PHF20: variants seen among roughly 807,000 people sequenced by gnomAD.
The protein encoded by PHF20 is PHD finger protein 20.
A neutral mutation model predicts 113.5 loss-of-function variants in PHF20; 23 were observed. The observed-to-expected ratio is 0.20, with a 90% CI of 0.15 to 0.29. The LOEUF (loss-of-function observed/expected upper bound fraction) is 0.29. PHF20 is among the 10% of genes least tolerant of loss of function. The pLI, the probability that PHF20 is intolerant of heterozygous loss-of-function variation, is 1.00. For synonymous variants in PHF20, 434 were observed against 457.3 expected, an observed-to-expected ratio of 0.95 and a Z score of 0.65; for missense variants, 943 against 1,219.6, an observed-to-expected ratio of 0.77 and a Z score of 3.38.
chr20:35,926,870 C>T lies in PHF20; in HGVS notation c.2005-910C>T, dbSNP rs1600948177. 2.6e-5 allele frequency among the ~76,000 whole-genome samples: 4 copies of T among 152,270 alleles called. No individual in the cohort carries two copies. The East Asian group carries it at 7.7e-4, about 29-fold the overall frequency. On this transcript the variant is annotated intron_variant, in intron 13 of 17. Coordinates refer to ENST00000374012, the MANE Select transcript of PHF20 (RefSeq NM_016436.5). ...TGTCAGGAAGCTCACTGTCCACCTT[C>T]TAGGGCTAATTTGTTTGGTTGGGTA...
intron 15 of PHF20, among the ~76,000 whole-genome samples, chr20:35,935,881 T>C (rs1229783988): frequency 6.6e-6 from 1 of 152,210 alleles, no homozygotes; most frequent in Non-Finnish European, 1.5e-5. Flanking sequence ...GCTCTGGGTC[T>C]TTATTCTCAG....
At chr20:35,946,677 TTTTA>T (rs201676493) in intron 17 of PHF20, among the ~76,000 whole-genome samples, 9 of 142,690 alleles carry the variant, frequency 6.3e-5, no homozygotes, top group Non-Finnish European at 1.4e-4. Context: ...TTTTATTTTA[TTTTA>T]TTTATTTTAT....
At chr20:35,846,770 T>C (rs2042632457) in intron 3 of PHF20, among the ~76,000 whole-genome samples, 1 of 152,168 alleles carries the variant, frequency 6.6e-6, no homozygotes, top group African/African-American at 2.4e-5. Context: ...CCCTTTTGTT[T>C]TGACTCCTGT....
At chr20:35,869,269 T>A (rs1020655047) in intron 6 of PHF20, among the ~76,000 whole-genome samples, 169 bp from the exon 7 acceptor site, 1 of 152,170 alleles carries the variant, frequency 6.6e-6, no homozygotes, top group Non-Finnish European at 1.5e-5. Flanking sequence ...AATTTCTCAC[T>A]CATTTTACTT....
intron 2 of PHF20, among the ~76,000 whole-genome samples, chr20:35,816,711 G>C (rs941282619): frequency 6.6e-6 from 1 of 151,074 alleles, no homozygotes; most frequent in Non-Finnish European, 1.5e-5. Flanking sequence ...CTCAGCCTCC[G>C]AAAGTGCTGG....
At chr20:35,862,813 G>A (rs189962868) in intron 5 of PHF20, among the ~76,000 whole-genome samples, 200 bp from the exon 6 acceptor site, 7 of 152,220 alleles carry the variant, frequency 4.6e-5, no homozygotes, top group Non-Finnish European at 8.8e-5. Flanking sequence ...CACTGTCTCC[G>A]GAATAATTGA....
chr20:35,945,148 G>T (rs1017660255), intron 17 of PHF20, among the ~76,000 whole-genome samples: 1 of 152,130 alleles, frequency 6.6e-6, no homozygotes, highest in African/African-American at 2.4e-5. Context: ...GATGGAGGAG[G>T]ATAAACTACA....
chr20:35,824,796 G>A (rs570844118), intron 2 of PHF20, among the ~76,000 whole-genome samples: 1 of 152,148 alleles, frequency 6.6e-6, no homozygotes, highest in African/African-American at 2.4e-5. Context: ...AGGCAAACAC[G>A]AATTTACTTT....
chr20:35,821,471 CA>C (rs2042167470), intron 2 of PHF20, among the ~76,000 whole-genome samples: 1 of 128,322 alleles, frequency 7.8e-6, no homozygotes, highest in Non-Finnish European at 1.6e-5. Context: ...GGCAATATAG[CA>C]AAACGCTGTC....
rs777104830 is a variant in PHF20 at position 35,941,066 on chromosome 20, C to T, written c.2896+19C>T. 4 of 1,604,064 alleles carry T rather than the reference C, an allele frequency of 2.5e-6. No homozygotes were observed. In the South Asian group the frequency reaches 4.4e-5, roughly 18 times the overall value. ...TTGGATGGTAGGGCTCCTTCATTGG[C>T]CCCCTGTGCATTGGCATGCAGTCGA... On this transcript the variant is annotated intron_variant, in intron 17 of 17. Coordinates refer to ENST00000374012, the MANE Select transcript of PHF20 (RefSeq NM_016436.5).
intron 4 of PHF20, among the ~76,000 whole-genome samples, chr20:35,856,156 G>A (rs982117374): frequency 4.6e-5 from 7 of 151,826 alleles, no homozygotes; most frequent in African/African-American, 1.2e-4. Context: ...CTCTATCTCC[G>A]TAAGTTCAAT....
At chr20:35,828,015 A>G (rs1188067961) in intron 2 of PHF20, among the ~76,000 whole-genome samples, 5 of 137,492 alleles carry the variant, frequency 3.6e-5, no homozygotes, top group African/African-American at 5.8e-5. Context: ...CATTAGTTTT[A>G]TTTATTTATT....
intron 3 of PHF20, chr20:35,845,472 C>A: frequency 3.3e-6 from 1 of 303,818 alleles, no homozygotes; most frequent in Non-Finnish European, 7.0e-6. Context: ...CTCAAGCAAT[C>A]CTCCTTCCTC....
chr20:35,836,188 C>T (rs1351020031), intron 2 of PHF20, among the ~76,000 whole-genome samples: 1 of 145,354 alleles, frequency 6.9e-6, no homozygotes, highest in East Asian at 2.0e-4. Context: ...TTTTTTTTAA[C>T]TTTTTTTTTT....
At chr20:35,805,933 C>G (rs1204332022) in intron 2 of PHF20, among the ~76,000 whole-genome samples, 1 of 151,736 alleles carries the variant, frequency 6.6e-6, no homozygotes, top group Non-Finnish European at 1.5e-5. Context: ...ACAATCTTGG[C>G]TCACTGCAAC....
At chr20:35,839,754 G>C (rs1335580478) in intron 2 of PHF20, among the ~76,000 whole-genome samples, 2 of 152,106 alleles carry the variant, frequency 1.3e-5, no homozygotes, top group African/African-American at 4.8e-5. Context: ...GTAGCAATTA[G>C]GAATTATGGA....
At chr20:35,880,420 G>C (rs1364877323) in intron 9 of PHF20, among the ~76,000 whole-genome samples, 1 of 152,120 alleles carries the variant, frequency 6.6e-6, no homozygotes, top group Non-Finnish European at 1.5e-5. Context: ...GGAATTTACT[G>C]AGAAACTGAA....
Position 35,947,556 on chromosome 20 carries a change from A to G in PHF20, c.2968A>G (p.Lys990Glu). 4 of 1,614,084 alleles carry G rather than the reference A, an allele frequency of 2.5e-6. No individual in the cohort carries two copies. The highest frequency in any genetic ancestry group is 3.4e-6 in the Non-Finnish European group (4 of 1,179,958). The part of the protein sequence containing the change: ...PEPLARLPQL[K>E]HCIKQLLMDL... ...GCCGCTGGCCAGGCTTCCGCAGCTCAAGCATTGTATCAAGCAGCTGCTGAT... is the reference window on the plus strand; with the variant it reads ...GCCGCTGGCCAGGCTTCCGCAGCTCGAGCATTGTATCAAGCAGCTGCTGAT... Residue 990 changes from lysine (K) to glutamate (E), a missense_variant, in exon 18 of 18, where the codon AAG (lysine) becomes GAG (glutamate). Lys to Glu is a moderately conservative substitution (Grantham distance 56). Around this residue, in one of 3 missense-constraint regions of PHF20, gnomAD observed 349 missense variants for 412.3 expected, o/e 0.85. Coordinates refer to ENST00000374012, the MANE Select transcript of PHF20 (RefSeq NM_016436.5).
intron 2 of PHF20, among the ~76,000 whole-genome samples, chr20:35,828,672 G>A (rs2042304725): frequency 1.3e-5 from 2 of 152,156 alleles, no homozygotes; most frequent in African/African-American, 4.8e-5. Flanking sequence ...TGTGCACATG[G>A]AGTCATGCCA....
Sources: allele counts gnomAD v4.1 joint callset (sites outside exome capture counted in the v4.1 genomes callset), GRCh38; gene constraint gnomAD v4.1.1; regional missense constraint gnomAD v4.1.1; transcripts MANE v1.5; gene names NCBI Gene and HGNC (gene_info 2026-07-23, HGNC 2026-07-21).